Variants in CWF19L2 observed in about 807,000 individuals in gnomAD.
CWF19L2 encodes the protein CWF19 like cell cycle control factor 2.
CWF19L2 carries 98 observed loss-of-function variants against 111.7 expected under a neutral mutation model. That is an observed-to-expected ratio of 0.88 (90% CI 0.75 to 1.04). The LOEUF (loss-of-function observed/expected upper bound fraction) is 1.04, where lower values mean the gene tolerates loss of function less well. Among genes scored for constraint, CWF19L2 ranks in the 50% least tolerant of loss-of-function variants. The probability of loss-of-function intolerance (pLI) is 0.00; values close to 1 mark genes in which losing one functional copy is unlikely to be tolerated. For synonymous variants in CWF19L2, 351 were observed against 342.9 expected (o/e 1.02, Z -0.26); for missense variants, 1,101 against 1,051.4 (o/e 1.05, Z -0.65).
At chr11:107,440,841 C>A (rs141482194) in intron 5 of CWF19L2, among the ~76,000 whole-genome samples, 1 of 151,968 alleles carries the variant, frequency 6.6e-6, no homozygotes, top group Non-Finnish European at 1.5e-5. Flanking sequence ...CAGATAAATG[C>A]GAACAAAAAC....
In CWF19L2 at chr11:107,419,376, T is replaced by C. The variant is rs1173816157; in HGVS notation, c.1434-1089A>G. Among the ~76,000 whole-genome samples, 4 of 152,290 alleles carry C rather than the reference T, an allele frequency of 2.6e-5. No individual in the cohort carries two copies. The East Asian group carries it at 7.7e-4, about 29-fold the overall frequency. On this transcript the variant is annotated intron_variant, in intron 8 of 17. Coordinates refer to ENST00000282251, the MANE Select transcript of CWF19L2 (RefSeq NM_152434.3). ...TATTCCAGAACAAAGCTCAGGAATATTTATAGAAATTCAAAAATGTCTAGC... is the reference window on the plus strand; with the variant it reads ...TATTCCAGAACAAAGCTCAGGAATACTTATAGAAATTCAAAAATGTCTAGC...
intron 10 of CWF19L2, among the ~76,000 whole-genome samples, chr11:107,400,450 A>AAC (rs1860984322): frequency 1.3e-5 from 2 of 152,182 alleles, no homozygotes; most frequent in African/African-American, 4.8e-5. Context: ...TATGTACATA[A>AAC]ACTAGAAAAC....
At chr11:107,330,150 A>G (rs1445334167) in intron 16 of CWF19L2, 131 bp from the exon 17 acceptor site, 4 of 487,022 alleles carry the variant, frequency 8.2e-6, no homozygotes, top group Admixed American at 4.0e-5. Flanking sequence ...ATGAATTTCC[A>G]GTTCTAGAGA....
At chr11:107,365,707 C>T in intron 12 of CWF19L2, among the ~76,000 whole-genome samples, 1 of 79,294 alleles carries the variant, frequency 1.3e-5, no homozygotes, top group Non-Finnish European at 2.3e-5. Flanking sequence ...GACAAACCCA[C>T]AGCCAATATC....
At chr11:107,391,799 C>A (rs1253091577) in intron 11 of CWF19L2, among the ~76,000 whole-genome samples, 1 of 152,168 alleles carries the variant, frequency 6.6e-6, no homozygotes, top group East Asian at 1.9e-4. Context: ...AACCTCATAT[C>A]CCATGACTCC....
At chr11:107,419,607 C>T (rs1199464695) in intron 8 of CWF19L2, among the ~76,000 whole-genome samples, 1 of 151,856 alleles carries the variant, frequency 6.6e-6, no homozygotes, top group Non-Finnish European at 1.5e-5. Flanking sequence ...TCAGACACAA[C>T]AAAGATATAA....
intron 12 of CWF19L2, among the ~76,000 whole-genome samples, chr11:107,380,433 A>C (rs993043957): frequency 6.6e-6 from 1 of 152,202 alleles, no homozygotes; most frequent in Non-Finnish European, 1.5e-5. Flanking sequence ...AACAATTTAA[A>C]CTTTGATTAA....
At chr11:107,454,642 G>C in intron 2 of CWF19L2, 70 bp from the exon 3 acceptor site, 8 of 1,073,278 alleles carry the variant, frequency 7.5e-6, no homozygotes, top group Non-Finnish European at 5.9e-6. Flanking sequence ...TATTCTGAGA[G>C]AAAAAAAATA....
chr11:107,423,793 G>A (rs774409812), intron 8 of CWF19L2, among the ~76,000 whole-genome samples: 16 of 151,810 alleles, frequency 1.1e-4, no homozygotes, highest in Admixed American at 7.9e-4. Context: ...AAGTCTGACA[G>A]GATCAGAAGA....
At chr11:107,405,154 A>G (rs553766497) in intron 10 of CWF19L2, among the ~76,000 whole-genome samples, 22 of 152,302 alleles carry the variant, frequency 1.4e-4, no homozygotes, top group African/African-American at 5.3e-4. Flanking sequence ...TTAAAATTCT[A>G]CGCAATTCTA....
chr11:107,362,550 C>T (rs1860370538), intron 12 of CWF19L2, among the ~76,000 whole-genome samples: 1 of 152,118 alleles, frequency 6.6e-6, no homozygotes, highest in Admixed American at 6.6e-5. Flanking sequence ...GGAGGCACCC[C>T]CAGGAGGGGC....
intron 6 of CWF19L2, among the ~76,000 whole-genome samples, chr11:107,434,672 C>CAAAAAAAA (rs71044301): frequency 4.3e-5 from 5 of 115,772 alleles, no homozygotes; most frequent in South Asian, 3.2e-4. Flanking sequence ...TATTACACAG[C>CAAAAAAAA]AAAAAAAAAA....
intron 10 of CWF19L2, among the ~76,000 whole-genome samples, chr11:107,415,244 C>T (rs1406775961): frequency 1.3e-5 from 2 of 152,120 alleles, no homozygotes; most frequent in Non-Finnish European, 2.9e-5. Flanking sequence ...CTGCGCTCTT[C>T]ACTCAAATAC....
chr11:107,439,143 T>C lies in CWF19L2; in HGVS notation c.611A>G (p.Asp204Gly), dbSNP rs138946827. The change falls in exon 6 of 18, where the codon GAT becomes GGT. Residue 204 changes from aspartate to glycine, a missense_variant. Coordinates refer to ENST00000282251, the MANE Select transcript of CWF19L2 (RefSeq NM_152434.3). ...TTCAGGTGGAAGACCTGTCCCACCA[T>C]CCTTCCAGTACGGATTCAATTCTCT... ...MERELNPYWK[D>G]GGTGLPPEDC... 6.4e-6 allele frequency: 10 copies of C among 1,573,442 alleles called. No individual in the cohort carries two copies. In the African/African-American group the frequency reaches 1.1e-4, roughly 17 times the overall value.
At chr11:107,444,933 C>G (rs570891208) in intron 3 of CWF19L2, among the ~76,000 whole-genome samples, 4 of 152,152 alleles carry the variant, frequency 2.6e-5, no homozygotes, top group Admixed American at 1.3e-4. Context: ...TTAGTTCAAA[C>G]GTAGGTACCT....
At chr11:107,424,576 C>T (rs1861348850) in intron 8 of CWF19L2, among the ~76,000 whole-genome samples, 1 of 151,630 alleles carries the variant, frequency 6.6e-6, no homozygotes, top group Non-Finnish European at 1.5e-5. Context: ...TTTAGATATT[C>T]AATCAAGGAA....
intron 7 of CWF19L2, among the ~76,000 whole-genome samples, chr11:107,430,506 T>C (rs989848562): frequency 2.0e-5 from 3 of 152,074 alleles, no homozygotes; most frequent in Non-Finnish European, 4.4e-5. Flanking sequence ...CTAGCAATTC[T>C]GAGGGAAAAA....
At chr11:107,363,858 A>G (rs1410336316) in intron 12 of CWF19L2, among the ~76,000 whole-genome samples, 1 of 42,286 alleles carries the variant, frequency 2.4e-5, no homozygotes, top group East Asian at 5.8e-4. Context: ...AAATGCTCCA[A>G]TTAAAAGACA....
At chr11:107,358,205 A>G (rs2134551835) in intron 12 of CWF19L2, among the ~76,000 whole-genome samples, 1 of 152,328 alleles carries the variant, frequency 6.6e-6, no homozygotes, top group South Asian at 2.1e-4. Flanking sequence ...ACATTTCAAT[A>G]TAGATTAATT....
Sources: gnomAD v4.1 joint callset for allele counts (sites outside exome capture counted in the v4.1 genomes callset) on GRCh38, gnomAD v4.1.1 for gene constraint, MANE v1.5 for transcripts, NCBI Gene and HGNC (gene_info 2026-07-23, HGNC 2026-07-21) for gene names.